PTPRK: variants seen among roughly 807,000 people sequenced by gnomAD.
The protein encoded by PTPRK is receptor-type tyrosine-protein phosphatase kappa.
In PTPRK, 75 loss-of-function variants were observed where a neutral mutation model predicts 178.0. The observed-to-expected ratio is 0.42, with a 90% confidence interval of 0.35 to 0.51. PTPRK has a LOEUF of 0.51. Among genes scored for constraint, PTPRK ranks in the 20% least tolerant of loss-of-function variants. PTPRK has a pLI of 0.02. For synonymous variants in PTPRK, 637 were observed against 620.6 expected (o/e 1.03, Z -0.39); for missense variants, 1,441 against 1,797.8 (o/e 0.80, Z 3.59).
intron 3 of PTPRK, among the ~76,000 whole-genome samples, chr6:128,275,319 T>C (rs1472531146): frequency 6.6e-6 from 1 of 152,088 alleles, no homozygotes; most frequent in African/African-American, 2.4e-5. Context: ...CCTTTTTCTA[T>C]GTGAAGCTGA....
intron 1 of PTPRK, among the ~76,000 whole-genome samples, chr6:128,507,829 T>C (rs1353047381): frequency 6.6e-6 from 1 of 151,996 alleles, no homozygotes; most frequent in Non-Finnish European, 1.5e-5. Flanking sequence ...AGAGGGAGAG[T>C]TAGTGACAGC....
chr6:128,383,615 A>G (rs1022915231), intron 2 of PTPRK, among the ~76,000 whole-genome samples: 8 of 152,206 alleles, frequency 5.3e-5, no homozygotes, highest in Admixed American at 3.9e-4. Flanking sequence ...AGTTGAGAAA[A>G]TCATGTTTCT....
chr6:128,337,004 T>C (rs6914789), intron 2 of PTPRK, among the ~76,000 whole-genome samples: 147,842 of 152,236 alleles, frequency 0.97, 71,928 homozygotes, highest in East Asian at 1. Flanking sequence ...CCAGCATGAA[T>C]TCATAGCTCA....
rs557424794 is a variant in PTPRK at position 128,009,278 on chromosome 6, T to TA, written c.2195-11dup. ...TCTTCTGTTGCTGCTGCTAAATGGA[T>TA]AAAAAAAAAAATCAGTTACTGAAAG... On this transcript the variant is annotated splice_polypyrimidine_tract_variant and intron_variant, in intron 13 of 29. Transcript: ENST00000368226. 0.01 allele frequency: 11,679 copies of TA among 1,144,644 alleles called. No individual in the cohort carries two copies. Among genetic ancestry groups the TA allele is most frequent in the South Asian group, 0.02 (1,199 of 60,222 alleles). 70.9% of individuals were successfully genotyped at this position (1,144,644 alleles called of 1,614,324 possible).
intron 1 of PTPRK, among the ~76,000 whole-genome samples, chr6:128,431,935 A>C (rs1309756388): frequency 6.6e-6 from 1 of 152,194 alleles, no homozygotes; most frequent in Non-Finnish European, 1.5e-5. Context: ...TAGTGGAAAG[A>C]TGTAATATTA....
intron 5 of PTPRK, among the ~76,000 whole-genome samples, chr6:128,220,970 T>C (rs887533749): frequency 1.3e-5 from 2 of 152,142 alleles, no homozygotes; most frequent in African/African-American, 4.8e-5. Context: ...ATATCAAAGT[T>C]CCTGAAAACT....
chr6:128,121,550 T>C (rs916971482), intron 7 of PTPRK, among the ~76,000 whole-genome samples: 2 of 152,018 alleles, frequency 1.3e-5, no homozygotes, highest in Non-Finnish European at 2.9e-5. Flanking sequence ...ATCTAAAGGC[T>C]ATAAAGAAAC....
intron 13 of PTPRK, among the ~76,000 whole-genome samples, chr6:128,042,561 A>C (rs545462797): frequency 4.7e-4 from 71 of 152,006 alleles, no homozygotes; most frequent in Admixed American, 1.4e-3. Flanking sequence ...TCTGCCTTTG[A>C]TTCTGCTACC....
intron 1 of PTPRK, among the ~76,000 whole-genome samples, chr6:128,408,876 T>C (rs998881540): frequency 2.0e-5 from 3 of 152,238 alleles, no homozygotes; most frequent in African/African-American, 7.2e-5. Context: ...GATATCATGA[T>C]AGTCAATTCA....
chr6:128,186,287 C>T (rs1028759442), intron 6 of PTPRK, among the ~76,000 whole-genome samples: 13 of 151,924 alleles, frequency 8.6e-5, no homozygotes, highest in African/African-American at 2.7e-4. Context: ...TGTCCAAAAT[C>T]ACTTGAAGGA....
chr6:128,164,077 C>G (rs1204495968), intron 7 of PTPRK, among the ~76,000 whole-genome samples: 1 of 151,468 alleles, frequency 6.6e-6, no homozygotes. Flanking sequence ...CACTCCTTCT[C>G]ATTTTCTTCT....
intron 2 of PTPRK, among the ~76,000 whole-genome samples, chr6:128,361,264 T>C (rs1485978047): frequency 6.6e-6 from 1 of 152,160 alleles, no homozygotes; most frequent in Non-Finnish European, 1.5e-5. Flanking sequence ...TCCCCTCATT[T>C]TCAGTTTGTG....
At chr6:128,399,862 T>A (rs542716323) in intron 1 of PTPRK, among the ~76,000 whole-genome samples, 12 of 152,328 alleles carry the variant, frequency 7.9e-5, no homozygotes, top group Non-Finnish European at 1.3e-4. Flanking sequence ...TGCACATCCC[T>A]TCCCTATCTG....
intron 13 of PTPRK, among the ~76,000 whole-genome samples, chr6:128,009,652 T>G (rs1266639214): frequency 1.3e-5 from 2 of 151,286 alleles, no homozygotes; most frequent in East Asian, 3.9e-4. Context: ...TTGACTCAAA[T>G]GCCAGGTGGT....
chr6:128,090,600 T>C (rs953161391), intron 7 of PTPRK, among the ~76,000 whole-genome samples: 3 of 152,232 alleles, frequency 2.0e-5, no homozygotes, highest in Non-Finnish European at 1.5e-5. Flanking sequence ...TGTCTTTTTC[T>C]AGAAAACATT....
rs145612234 is a variant in PTPRK at position 128,046,404 on chromosome 6, G to A, written c.2194+18354C>T. On this transcript the variant is annotated intron_variant, in intron 13 of 29. Transcript: ENST00000368226. Reference sequence around the variant, plus strand: ...ACAAAATTCTGCTCACTGATTACAAGTTTTCAGAAGGGCTAGCAGCTTTCC... The same window carrying A: ...ACAAAATTCTGCTCACTGATTACAAATTTTCAGAAGGGCTAGCAGCTTTCC... Among the ~76,000 whole-genome samples the A allele has an allele frequency of 4.6e-3, 699 of 152,176 alleles. 5 individuals carry two copies. Among genetic ancestry groups the A allele is most frequent in the South Asian group, 0.017 (82 of 4,824 alleles).
At chr6:128,300,092 C>T (rs1198915631) in intron 3 of PTPRK, among the ~76,000 whole-genome samples, 9 of 152,290 alleles carry the variant, frequency 5.9e-5, no homozygotes, top group Non-Finnish European at 1.3e-4. Flanking sequence ...CAAAAGAAGA[C>T]ATTTATGCAG....
At chr6:128,488,052 G>A (rs1853224558) in intron 1 of PTPRK, among the ~76,000 whole-genome samples, 1 of 152,150 alleles carries the variant, frequency 6.6e-6, no homozygotes, top group Non-Finnish European at 1.5e-5. Flanking sequence ...GAGAAGCAAG[G>A]AAGCCAGTCC....
intron 2 of PTPRK, among the ~76,000 whole-genome samples, chr6:128,379,012 C>T (rs1340072586): frequency 6.6e-6 from 1 of 152,070 alleles, no homozygotes; most frequent in African/African-American, 2.4e-5. Context: ...AAGTACTATT[C>T]AAGGCACTAT....
Sources: gnomAD v4.1 joint callset for allele counts (sites outside exome capture counted in the v4.1 genomes callset) on GRCh38, gnomAD v4.1.1 for gene constraint, MANE v1.5 for transcripts, NCBI Gene and HGNC (gene_info 2026-07-23, HGNC 2026-07-21) for gene names.